Variants in SAMD5 observed in about 807,000 individuals in gnomAD.
The protein encoded by SAMD5 is sterile alpha motif domain-containing protein 5.
Under a neutral mutation model 11.3 loss-of-function variants are expected in SAMD5, and 13 were observed. The ratio of observed to expected loss-of-function variants is 1.15; its 90% confidence interval spans 0.75 to 1.83. The LOEUF (loss-of-function observed/expected upper bound fraction) is 1.83, where lower values mean the gene tolerates loss of function less well. Among genes scored for constraint, SAMD5 ranks in the 40% most tolerant of loss-of-function variants. The pLI is 0.00. For synonymous variants in SAMD5, 129 were observed against 111.3 expected (o/e 1.16, Z -1.00); for missense variants, 255 against 239.1 (o/e 1.07, Z -0.44).
chr6:147,775,517 C>G, the SAMD5 span, among the ~76,000 whole-genome samples: 1 of 152,138 alleles, frequency 6.6e-6, no homozygotes, highest in Non-Finnish European at 1.5e-5. Flanking sequence ...CTTGTCTTAC[C>G]TCTGCCCAAT....
the SAMD5 span, among the ~76,000 whole-genome samples, chr6:147,859,973 T>C: frequency 2.0e-5 from 3 of 152,292 alleles, no homozygotes; most frequent in African/African-American, 4.8e-5. Context: ...TGTTTTAAAA[T>C]ATTTAACCTA....
downstream of SAMD5, among the ~76,000 whole-genome samples, chr6:147,740,485 C>T (rs1253043846): frequency 6.6e-6 from 1 of 152,210 alleles, no homozygotes; most frequent in Non-Finnish European, 1.5e-5. Flanking sequence ...CCAATGTGAA[C>T]AGGTGCTTCA....
the SAMD5 span, among the ~76,000 whole-genome samples, chr6:147,812,802 T>C: frequency 6.6e-6 from 1 of 152,184 alleles, no homozygotes; most frequent in Admixed American, 6.5e-5. Context: ...GGGCTTTAAT[T>C]TGATATAGTT....
chr6:147,552,802 A>G (rs1296395411), intron 1 of SAMD5, among the ~76,000 whole-genome samples: 1 of 152,208 alleles, frequency 6.6e-6, no homozygotes, highest in African/African-American at 2.4e-5. Flanking sequence ...GAGAACTACT[A>G]TGGTAGTTAT....
chr6:147,870,753 C>A, the SAMD5 span, among the ~76,000 whole-genome samples: 4 of 126,664 alleles, frequency 3.2e-5, no homozygotes, highest in East Asian at 9.0e-4. Context: ...GGAGAGGGGG[C>A]AGGAAGTCGG....
chr6:147,803,865 C>G, the SAMD5 span, among the ~76,000 whole-genome samples: 1 of 152,198 alleles, frequency 6.6e-6, no homozygotes, highest in Non-Finnish European at 1.5e-5. Context: ...GGCATCCACC[C>G]TCCATCCACA....
chr6:147,904,990 G>A, the SAMD5 span, among the ~76,000 whole-genome samples: 1 of 151,412 alleles, frequency 6.6e-6, no homozygotes, highest in African/African-American at 2.4e-5. Context: ...CTGGATTCAA[G>A]CAATTCTCCT....
chr6:147,646,006 CTGTCTATGTATCTATCTATG>C (rs1255874599), intron 1 of SAMD5, among the ~76,000 whole-genome samples: 11 of 125,566 alleles, frequency 8.8e-5, no homozygotes, highest in East Asian at 4.2e-4. Flanking sequence ...ATCTGTCTGT[CTGTCTATGTATCTATCTATG>C]TATCTATCTA....
downstream of SAMD5, among the ~76,000 whole-genome samples, chr6:147,574,493 T>G (rs1354700122): frequency 2.0e-5 from 3 of 152,154 alleles, no homozygotes; most frequent in East Asian, 3.8e-4. Flanking sequence ...AGTAGAAGAT[T>G]GACAAAGTTC....
intron 1 of SAMD5, among the ~76,000 whole-genome samples, chr6:147,580,689 G>A (rs1413434044): frequency 6.6e-6 from 1 of 152,196 alleles, no homozygotes. Context: ...ATTAGCACAG[G>A]TCTAGATGTT....
At chr6:147,891,251 C>T in the SAMD5 span, among the ~76,000 whole-genome samples, 1 of 151,842 alleles carries the variant, frequency 6.6e-6, no homozygotes, top group African/African-American at 2.4e-5. Flanking sequence ...CTGTATCACT[C>T]GAATTCTTAG....
the SAMD5 span, among the ~76,000 whole-genome samples, chr6:147,761,502 T>G: frequency 1.3e-5 from 2 of 151,970 alleles, no homozygotes; most frequent in African/African-American, 4.8e-5. Context: ...TGTATAGAAG[T>G]CTCTCTAAAA....
chr6:147,862,638 A>G, the SAMD5 span, among the ~76,000 whole-genome samples: 35 of 152,336 alleles, frequency 2.3e-4, 1 homozygote, highest in East Asian at 6.8e-3. Flanking sequence ...CCTGGTATCA[A>G]ATAGTGTAAC....
intron 1 of SAMD5, among the ~76,000 whole-genome samples, chr6:147,717,685 T>G (rs1791487757): frequency 6.6e-6 from 1 of 152,194 alleles, no homozygotes; most frequent in East Asian, 1.9e-4. Context: ...CTGTTTCTAC[T>G]AAAAAATACA....
At chr6:147,510,371 T>C (rs1369839160) in intron 1 of SAMD5, among the ~76,000 whole-genome samples, 1 of 152,126 alleles carries the variant, frequency 6.6e-6, no homozygotes, top group Non-Finnish European at 1.5e-5. Context: ...CCTGACTTGA[T>C]AGAGAAGTAG....
chr6:147,582,605 T>C (rs534659317), intron 1 of SAMD5, among the ~76,000 whole-genome samples: 134 of 152,332 alleles, frequency 8.8e-4, no homozygotes, highest in Middle Eastern at 3.4e-3. Flanking sequence ...GCAGAAGGAC[T>C]TCTTAGCAGC....
intron 1 of SAMD5, among the ~76,000 whole-genome samples, chr6:147,611,431 T>C (rs1278688240): frequency 1.3e-5 from 2 of 151,798 alleles, no homozygotes; most frequent in Non-Finnish European, 2.9e-5. Flanking sequence ...GGCATGGTGG[T>C]GCGCGCCTGT....
intron 1 of SAMD5, among the ~76,000 whole-genome samples, chr6:147,553,123 C>T (rs958608278): frequency 1.3e-5 from 2 of 152,174 alleles, no homozygotes; most frequent in African/African-American, 2.4e-5. Flanking sequence ...CTGTTCTAAA[C>T]AGTCTTGTAG....
intron 1 of SAMD5, among the ~76,000 whole-genome samples, chr6:147,672,505 C>T (rs1056462340): frequency 5.3e-5 from 8 of 152,088 alleles, no homozygotes; most frequent in African/African-American, 1.9e-4. Flanking sequence ...GGGATGTACT[C>T]TATTCTTTTG....
Sources: allele counts gnomAD v4.1 joint callset (sites outside exome capture counted in the v4.1 genomes callset), GRCh38; gene constraint gnomAD v4.1.1; transcripts MANE v1.5; gene names NCBI Gene and HGNC (gene_info 2026-07-23, HGNC 2026-07-21).